Variants in EFNA5 observed in about 807,000 individuals in gnomAD.
EFNA5 encodes the protein ephrin-A5.
Under a neutral mutation model 22.9 loss-of-function variants are expected in EFNA5, and 5 were observed. That is an observed-to-expected ratio of 0.22 (90% CI 0.11 to 0.46). EFNA5 has a LOEUF of 0.46. Among genes scored for constraint, EFNA5 ranks in the 20% least tolerant of loss-of-function variants. EFNA5 has a pLI of 0.99. For missense variants in EFNA5, 237 were observed against 293.3 expected, an observed-to-expected ratio of 0.81 and a Z score of 1.40; for synonymous variants, 113 against 112.2, an observed-to-expected ratio of 1.01 and a Z score of -0.04.
At chr5:107,553,350 G>A (rs901889649) in intron 1 of EFNA5, among the ~76,000 whole-genome samples, 4 of 152,124 alleles carry the variant, frequency 2.6e-5, no homozygotes, top group Admixed American at 6.5e-5. Flanking sequence ...AGGAAAGATG[G>A]GAGCTAGGAA....
At chr5:107,392,184 G>A (rs1451768814) in intron 2 of EFNA5, among the ~76,000 whole-genome samples, 1 of 152,138 alleles carries the variant, frequency 6.6e-6, no homozygotes, top group Non-Finnish European at 1.5e-5. Context: ...TCTGACATGG[G>A]TCCCAGGTAT....
chr5:107,615,135 C>G (rs1749887009), intron 1 of EFNA5, among the ~76,000 whole-genome samples: 1 of 152,004 alleles, frequency 6.6e-6, no homozygotes, highest in Non-Finnish European at 1.5e-5. Flanking sequence ...AACCTTGTTT[C>G]TCTTCCACCT....
At chr5:107,514,778 T>C (rs1374691437) in intron 1 of EFNA5, among the ~76,000 whole-genome samples, 3 of 152,230 alleles carry the variant, frequency 2.0e-5, no homozygotes, top group Non-Finnish European at 4.4e-5. Context: ...AGGTCCTACG[T>C]GACCTGCCTC....
At chr5:107,621,080 T>C (rs964675446) in intron 1 of EFNA5, among the ~76,000 whole-genome samples, 3 of 152,170 alleles carry the variant, frequency 2.0e-5, no homozygotes, top group Non-Finnish European at 4.4e-5. Flanking sequence ...TAAAGAATCA[T>C]CCTTTAGGAA....
intron 4 of EFNA5, among the ~76,000 whole-genome samples, chr5:107,382,381 TA>T (rs369050656): frequency 6.1e-4 from 93 of 152,316 alleles, no homozygotes; most frequent in African/African-American, 1.0e-3. Context: ...AATTAATTAA[TA>T]TTTTTTTAGA....
chr5:107,387,667 G>T, intron 3 of EFNA5, 39 bp downstream of exon 3: 1 of 1,499,160 alleles, frequency 6.7e-7, no homozygotes, highest in Non-Finnish European at 9.2e-7. Flanking sequence ...AAGCATGCGC[G>T]GTGAAGCCAC....
chr5:107,596,702 C>G (rs1263672409), intron 1 of EFNA5, among the ~76,000 whole-genome samples: 1 of 152,064 alleles, frequency 6.6e-6, no homozygotes, highest in African/African-American at 2.4e-5. Flanking sequence ...TGAAATGTCT[C>G]TCTCTCCCAG....
chr5:107,486,458 G>A (rs542653194), intron 1 of EFNA5, among the ~76,000 whole-genome samples: 140 of 152,310 alleles, frequency 9.2e-4, no homozygotes, highest in Middle Eastern at 3.4e-3. Flanking sequence ...TAACTACATA[G>A]TGGAGAGTGG....
rs529607298 is a variant in EFNA5, at chr5:107,488,631, A to G, written c.126-61122T>C. On this transcript the variant is annotated intron_variant, in intron 1 of 4. Transcript: ENST00000333274. ...CTGGTTTTATTATGACTCACTTCTT[A>G]AGAAGACACACACACACAACTAGTG... 2.0e-5 allele frequency among the ~76,000 whole-genome samples: 3 copies of G among 152,348 alleles called. No homozygotes were observed. In the South Asian group the frequency reaches 6.2e-4, roughly 32 times the overall value.
At chr5:107,390,593 T>TA (rs1191366731) in intron 2 of EFNA5, among the ~76,000 whole-genome samples, 3 of 151,826 alleles carry the variant, frequency 2.0e-5, no homozygotes, top group Non-Finnish European at 4.4e-5. Context: ...TGTCAGGAGG[T>TA]AGGTAGTATT....
intron 1 of EFNA5, among the ~76,000 whole-genome samples, chr5:107,616,959 C>T (rs1307058561): frequency 6.6e-6 from 1 of 151,996 alleles, no homozygotes; most frequent in Non-Finnish European, 1.5e-5. Flanking sequence ...TACTCCTTTG[C>T]CTGATTGTTA....
intron 2 of EFNA5, among the ~76,000 whole-genome samples, chr5:107,412,073 T>G (rs1196298149): frequency 6.6e-6 from 1 of 152,172 alleles, no homozygotes; most frequent in Non-Finnish European, 1.5e-5. Context: ...AATTTAAGTG[T>G]GATGGGTTAA....
chr5:107,603,601 A>G (rs183936882), intron 1 of EFNA5, among the ~76,000 whole-genome samples: 4 of 152,342 alleles, frequency 2.6e-5, no homozygotes, highest in East Asian at 1.9e-4. Context: ...CTCCAACAAC[A>G]TAAAAAACAT....
intron 2 of EFNA5, among the ~76,000 whole-genome samples, chr5:107,401,492 C>G (rs533536235): frequency 3.3e-5 from 5 of 152,168 alleles, no homozygotes; most frequent in Non-Finnish European, 5.9e-5. Context: ...ATAGAAACAA[C>G]TTAAAAGTTT....
chr5:107,617,263 G>A (rs1749943324), intron 1 of EFNA5, among the ~76,000 whole-genome samples: 1 of 151,136 alleles, frequency 6.6e-6, no homozygotes, highest in African/African-American at 2.4e-5. Flanking sequence ...GAGAGAAAGA[G>A]AGAGAGAGAG....
At chr5:107,479,091 T>C (rs1016281762) in intron 1 of EFNA5, among the ~76,000 whole-genome samples, 1 of 152,232 alleles carries the variant, frequency 6.6e-6, no homozygotes, top group Admixed American at 6.5e-5. Flanking sequence ...AAATTAAGGC[T>C]AATGACCTTA....
At chr5:107,445,669 C>A (rs1749370127) in intron 1 of EFNA5, among the ~76,000 whole-genome samples, 1 of 152,092 alleles carries the variant, frequency 6.6e-6, no homozygotes, top group East Asian at 1.9e-4. Context: ...AGTTCAGCCA[C>A]CCAGACCTCT....
intron 1 of EFNA5, among the ~76,000 whole-genome samples, chr5:107,552,079 A>G (rs1181291104): frequency 6.6e-6 from 1 of 152,162 alleles, no homozygotes; most frequent in Non-Finnish European, 1.5e-5. Context: ...TACACTATAA[A>G]AAGTGACTTA....
At chr5:107,606,427 C>T (rs79307755) in intron 1 of EFNA5, among the ~76,000 whole-genome samples, 1 of 151,836 alleles carries the variant, frequency 6.6e-6, no homozygotes, top group Non-Finnish European at 1.5e-5. Flanking sequence ...AACTTAATTC[C>T]TTCCTCATTC....
Sources: allele counts gnomAD v4.1 joint callset (sites outside exome capture counted in the v4.1 genomes callset), GRCh38; gene constraint gnomAD v4.1.1; transcripts MANE v1.5; gene names NCBI Gene and HGNC (gene_info 2026-07-23, HGNC 2026-07-21).